RCAN3: variants seen among roughly 807,000 people sequenced by gnomAD.
RCAN3 encodes the protein regulator of calcineurin 3.
In RCAN3, 19 loss-of-function variants were observed where a neutral mutation model predicts 21.9. The ratio of observed to expected loss-of-function variants is 0.87; its 90% CI spans 0.61 to 1.27. The LOEUF is 1.27. Ranked by LOEUF, RCAN3 falls within the 50% of genes most tolerant of loss-of-function variation. The pLI is 0.00. For synonymous variants in RCAN3, 114 were observed against 112.3 expected (o/e 1.01, Z -0.09); for missense variants, 240 against 300.1 (o/e 0.80, Z 1.48).
rs200941489 is a variant in RCAN3, at chr1:24,533,174, C to T, written c.461C>T (p.Pro154Leu). 3.3e-4 allele frequency: 532 copies of T among 1,607,300 alleles called. No homozygotes were observed. The highest frequency in any genetic ancestry group is 4.2e-4 in the Non-Finnish European group (491 of 1,177,848). The change falls in exon 4 of 5, where the codon CCG (proline) becomes CTG (leucine). Residue 154 changes from proline (P) to leucine (L), a missense_variant. By Grantham distance (98) the Pro-to-Leu change is moderately conservative (BLOSUM62 -3). Coordinates refer to ENST00000374395, the MANE Select transcript of RCAN3 (RefSeq NM_013441.4). ...CTCATCTCCCCTCCAGCCTCTCCCC[C>T]GGTGGGGTGGAAGCAGAGCGAAGAT... ...QFLISPPASPPVGWKQSEDAM... is the reference protein window; with the variant it reads ...QFLISPPASPLVGWKQSEDAM...
chr1:24,531,945 T>C (rs1458283227), intron 3 of RCAN3, among the ~76,000 whole-genome samples: 1 of 152,200 alleles, frequency 6.6e-6, no homozygotes, highest in Non-Finnish European at 1.5e-5. Flanking sequence ...CAATTTCTTC[T>C]GAGAAGAGTG....
intron 2 of RCAN3, among the ~76,000 whole-genome samples, chr1:24,520,576 G>T (rs958298425): frequency 6.6e-6 from 1 of 150,562 alleles, no homozygotes; most frequent in Non-Finnish European, 1.5e-5. Context: ...GCAAACTATC[G>T]CAAGGACAAA....
At position 24,540,200 on chromosome 1, in the gene RCAN3, T is replaced by C. The variant is rs986664339; in HGVS notation, c.*4923T>C. 2 of 152,278 alleles carry C rather than the reference T, an allele frequency of 1.3e-5. No individual in the cohort carries two copies. Among genetic ancestry groups the C allele is most frequent in the Non-Finnish European group, 2.9e-5 (2 of 68,032 alleles). 9.4% of individuals were successfully genotyped at this position (152,278 alleles called of 1,614,324 possible). On this transcript the variant is annotated 3_prime_UTR_variant, in exon 5 of 5. Transcript: ENST00000374395. ...TGAAAGCAACAACTGCTGGGTTCAC[T>C]GACAAAGATTATAAAAATCATCACG...
intron 2 of RCAN3, among the ~76,000 whole-genome samples, chr1:24,518,582 G>GT (rs111922082): frequency 1.0e-3 from 150 of 146,754 alleles, no homozygotes; most frequent in East Asian, 2.8e-3. Flanking sequence ...TTTAACCCCA[G>GT]TTTTTTTTTT....
chr1:24,523,882 A>G (rs897102979), intron 2 of RCAN3, among the ~76,000 whole-genome samples: 6 of 152,148 alleles, frequency 3.9e-5, no homozygotes, highest in African/African-American at 1.4e-4. Flanking sequence ...TATATGCTAA[A>G]CTGTATGCTA....
At position 24,525,683 on chromosome 1, in the gene RCAN3, G is replaced by C. The variant is rs1649198536; in HGVS notation, c.196-5535G>C. ...ATTCTAAGGAGAAAAATAGTCATTT[G>C]GTTTTTGAATGAACAGCTGCAGATC... On this transcript the variant is annotated intron_variant, in intron 2 of 4. Transcript: ENST00000374395. The surrounding 1 kb of genome is among the most constrained non-coding windows in gnomAD (Gnocchi z 4.1). Among the ~76,000 whole-genome samples the C allele has an allele frequency of 6.6e-6, 1 of 152,160 alleles. No homozygotes were observed. The highest frequency in any genetic ancestry group is 2.4e-5 in the African/African-American group (1 of 41,432).
chr1:24,508,064 C>T (rs953381996), intron 1 of RCAN3, among the ~76,000 whole-genome samples: 1 of 152,098 alleles, frequency 6.6e-6, no homozygotes, highest in Non-Finnish European at 1.5e-5. Flanking sequence ...CGCCACTGCG[C>T]CGAGACTGCG....
intron 1 of RCAN3, among the ~76,000 whole-genome samples, chr1:24,504,679 C>T (rs1647299880): frequency 2.0e-5 from 3 of 152,110 alleles, no homozygotes; most frequent in Non-Finnish European, 4.4e-5. Context: ...AGCCTGAAGC[C>T]TGTGAAATAA....
Position 24,540,701 on chromosome 1 carries a change from T to C in RCAN3, c.*5424T>C, listed in dbSNP as rs1281740129. ...AATTGAACCCAAGAGTCAAAGTTAT[T>C]ATTTTCTCCGAACGTGTTTGTGATC... On this transcript the variant is annotated 3_prime_UTR_variant, in exon 5 of 5. Coordinates refer to ENST00000374395, the MANE Select transcript of RCAN3 (RefSeq NM_013441.4). The C allele has an allele frequency of 6.6e-6, 1 of 152,198 alleles. No individual in the cohort carries two copies. The highest frequency in any genetic ancestry group is 1.5e-5 in the Non-Finnish European group (1 of 68,018). The allele number at this position is 152,198 out of a possible 1,614,324, so 9.4% of individuals were successfully genotyped here. A position where few individuals can be genotyped will look rare whatever the true frequency, so the allele number is the denominator to read the frequency against.
At chr1:24,506,536 C>T (rs914839545) in intron 1 of RCAN3, among the ~76,000 whole-genome samples, 3 of 151,998 alleles carry the variant, frequency 2.0e-5, no homozygotes, top group Non-Finnish European at 2.9e-5. Context: ...GGGGTATGCT[C>T]CATCTTTCAA....
Position 24,504,008 on chromosome 1 carries a change from A to G in RCAN3, c.-60+858A>G, listed in dbSNP as rs114881143. Among the ~76,000 whole-genome samples the G allele has an allele frequency of 3.9e-3, 587 of 152,372 alleles. 8 individuals are homozygous for G. The highest frequency in any genetic ancestry group is 5.9e-3 in the Non-Finnish European group (404 of 68,042). On this transcript the variant is annotated intron_variant, in intron 1 of 4. Coordinates refer to ENST00000374395, the MANE Select transcript of RCAN3 (RefSeq NM_013441.4). ...CTTAAACTCTGTAAACACATAATTC[A>G]GGAGCCAGATATGCATCACACAAAT...
intron 2 of RCAN3, among the ~76,000 whole-genome samples, chr1:24,515,427 G>GGTGT (rs67348372): frequency 0.023 from 3,306 of 146,442 alleles, 124 homozygotes; most frequent in African/African-American, 0.066. Flanking sequence ...TAGAAAGAGA[G>GGTGT]GTGTGTGTGT....
rs1188273165 is a variant in RCAN3, at chr1:24,508,732, C to T, written c.-60+5582C>T. On this transcript the variant is annotated intron_variant, in intron 1 of 4. Transcript: ENST00000374395. ...TCGTTACAGATAATTGTAATAAAGC[C>T]GGTCACACGAATTTTGGTTTCCCAG... Among the ~76,000 whole-genome samples, 5 of 152,116 alleles carry T rather than the reference C, an allele frequency of 3.3e-5. No individual in the cohort carries two copies. In the South Asian group the frequency reaches 6.2e-4, roughly 19 times the overall value.
chr1:24,505,795 A>G (rs1355288875), intron 1 of RCAN3, among the ~76,000 whole-genome samples: 1 of 152,224 alleles, frequency 6.6e-6, no homozygotes, highest in Non-Finnish European at 1.5e-5. Context: ...ACATCTAGCT[A>G]AGATACTGAA....
chr1:24,518,883 C>G (rs1648558806), intron 2 of RCAN3, among the ~76,000 whole-genome samples: 1 of 152,112 alleles, frequency 6.6e-6, no homozygotes, highest in Non-Finnish European at 1.5e-5. Context: ...AAGCAATCCT[C>G]CCACCTCAGC....
intron 2 of RCAN3, among the ~76,000 whole-genome samples, chr1:24,518,898 C>G (rs1408222811): frequency 6.6e-6 from 1 of 152,082 alleles, no homozygotes; most frequent in East Asian, 1.9e-4. Context: ...CTCAGCCTCC[C>G]AAGTAGCTAG....
At chr1:24,515,874 G>A (rs1024345650) in intron 2 of RCAN3, among the ~76,000 whole-genome samples, 1 of 152,176 alleles carries the variant, frequency 6.6e-6, no homozygotes, top group Non-Finnish European at 1.5e-5. Context: ...GCCGGGCGTG[G>A]TGGCTCATGC....
At chr1:24,514,771 C>T (rs889105993) in intron 2 of RCAN3, among the ~76,000 whole-genome samples, 13 of 151,962 alleles carry the variant, frequency 8.6e-5, no homozygotes, top group Admixed American at 2.0e-4. Context: ...GAGTTCAAGA[C>T]GAGCTTGGGC....
Position 24,540,506 on chromosome 1 carries a change from T to A in RCAN3, c.*5229T>A, listed in dbSNP as rs1650437942. On this transcript the variant is annotated 3_prime_UTR_variant, in exon 5 of 5. Coordinates refer to ENST00000374395, the MANE Select transcript of RCAN3 (RefSeq NM_013441.4). The stretch of plus-strand genomic sequence containing the variant: ...CTGTTTTCTGTTTAGTCCTCAATCT[T>A]CCTAACTCAAATTGGGGACTGAGGA... The A allele has an allele frequency of 6.6e-6, 1 of 152,170 alleles. No homozygotes were observed. Among genetic ancestry groups the A allele is most frequent in the African/African-American group, 2.4e-5 (1 of 41,438 alleles). 9.4% of individuals were successfully genotyped at this position (152,170 alleles called of 1,614,324 possible). A position where few individuals can be genotyped will look rare whatever the true frequency, so the allele number is the denominator to read the frequency against.
Sources: gnomAD v4.1 joint callset for allele counts (sites outside exome capture counted in the v4.1 genomes callset) on GRCh38, gnomAD v4.1.1 for gene constraint, Gnocchi (gnomAD v3.1) non-coding constraint, MANE v1.5 for transcripts, NCBI Gene and HGNC (gene_info 2026-07-23, HGNC 2026-07-21) for gene names.